Variants in JAKMIP1 observed in about 807,000 individuals in gnomAD.
The protein encoded by JAKMIP1 is janus kinase and microtubule-interacting protein 1.
JAKMIP1 carries 33 observed loss-of-function variants against 113.0 expected under a neutral mutation model. The observed-to-expected ratio is 0.29, with a 90% confidence interval of 0.22 to 0.39. JAKMIP1 has a LOEUF of 0.39. Among genes scored for constraint, JAKMIP1 ranks in the 10% least tolerant of loss-of-function variants. The pLI, the probability that JAKMIP1 is intolerant of heterozygous loss-of-function variation, is 1.00. For missense variants in JAKMIP1, 813 were observed against 1,080.5 expected, an observed-to-expected ratio of 0.75 and a Z score of 3.47; for synonymous variants, 480 against 459.9, an observed-to-expected ratio of 1.04 and a Z score of -0.56.
chr4:6,066,594 C>T (rs191393157), intron 8 of JAKMIP1, among the ~76,000 whole-genome samples: 140 of 152,274 alleles, frequency 9.2e-4, no homozygotes, highest in African/African-American at 2.2e-3. Context: ...CTGAGTCCAG[C>T]AGCAGCAGCT....
chr4:6,190,013 C>A (rs74543882), intron 1 of JAKMIP1, among the ~76,000 whole-genome samples: 1 of 152,174 alleles, frequency 6.6e-6, no homozygotes, highest in African/African-American at 2.4e-5. Context: ...CATTCCCCTG[C>A]CCCTGGGCCT....
intron 3 of JAKMIP1, among the ~76,000 whole-genome samples, chr4:6,100,089 AT>A (rs1712750915): frequency 6.6e-6 from 1 of 152,092 alleles, no homozygotes; most frequent in African/African-American, 2.4e-5. Flanking sequence ...TAAATTTCCA[AT>A]TTTTCTTGTT....
At chr4:6,036,853 C>A (rs1713513297) in intron 18 of JAKMIP1, among the ~76,000 whole-genome samples, 1 of 152,260 alleles carries the variant, frequency 6.6e-6, no homozygotes, top group African/African-American at 2.4e-5. Flanking sequence ...AAAGAAACTA[C>A]AGGTGGTATA....
Position 6,080,984 on chromosome 4 carries a change from T to TACACACACACACACACACACACAC in JAKMIP1, c.1101+601_1101+624dup, listed in dbSNP as rs71173403. Among the ~76,000 whole-genome samples the TACACACACACACACACACACACAC allele has an allele frequency of 0.01, 1,419 of 141,014 alleles. 39 individuals carry two copies. The highest frequency in any genetic ancestry group is 0.031 in the African/African-American group (1,125 of 36,090). The allele number at this position is 141,014 out of a possible 152,430, so 92.5% of individuals were successfully genotyped here. A position where few individuals can be genotyped will look rare whatever the true frequency, so the allele number is the denominator to read the frequency against. ...GGAGAGGACTTCACACAACAGCAAT[T>TACACACACACACACACACACACAC]ACACACACACACACACACACACACA... On this transcript the variant is annotated intron_variant, in intron 6 of 20. Coordinates refer to ENST00000409021, the MANE Select transcript of JAKMIP1 (RefSeq NM_001099433.2). The surrounding 1 kb of genome is among the most constrained non-coding windows in gnomAD (Gnocchi z 6.0).
rs1318685009 is a variant in JAKMIP1, at chr4:6,192,352, G to T, written c.-148+7901C>A. Among the ~76,000 whole-genome samples, 1 of 152,174 alleles carries T rather than the reference G, an allele frequency of 6.6e-6. No homozygotes were observed. The highest frequency in any genetic ancestry group is 2.4e-5 in the African/African-American group (1 of 41,448). On this transcript the variant is annotated intron_variant, in intron 1 of 20. Coordinates refer to ENST00000409021, the MANE Select transcript of JAKMIP1 (RefSeq NM_001099433.2). This position sits in a 1 kb window ranked among gnomAD's most constrained non-coding sequence, Gnocchi z 5.0. ...CAGCTCAGCTCCAGGAGGTCCCCTG[G>T]TGGCCTCAGGACAAGTGTATGAGTC...
chr4:6,143,604 A>ACAG lies in JAKMIP1; in HGVS notation c.-147-30610_-147-30608dup. On this transcript the variant is annotated intron_variant, in intron 1 of 20. Transcript: ENST00000409021. The surrounding 1 kb of genome is among the most constrained non-coding windows in gnomAD (Gnocchi z 4.9). Reference sequence around the variant, plus strand: ...AGTTAATTTTGGCACCTCCCCTAGAACAGCAGTTCTCTGAGTGAGATCCTT... The same window carrying ACAG: ...AGTTAATTTTGGCACCTCCCCTAGAACAGCAGCAGTTCTCTGAGTGAGATCCTT... 6.6e-6 allele frequency among the ~76,000 whole-genome samples: 1 copy of ACAG among 152,292 alleles called. No individual in the cohort carries two copies. The highest frequency in any genetic ancestry group is 1.5e-5 in the Non-Finnish European group (1 of 68,026).
Position 6,184,761 on chromosome 4 carries a change from C to T in JAKMIP1, c.-148+15492G>A, listed in dbSNP as rs9994638. ...TGATGGTTAATATTGAGTGTCAACT[C>T]GATTGGACAGAAGGATAGAAAGTAT... On this transcript the variant is annotated intron_variant, in intron 1 of 20. Transcript: ENST00000409021. The surrounding 1 kb of genome is among the most constrained non-coding windows in gnomAD (Gnocchi z 4.5). 0.44 allele frequency among the ~76,000 whole-genome samples: 66,324 copies of T among 151,976 alleles called. 14,713 individuals are homozygous for T. The highest frequency in any genetic ancestry group is 0.5 in the African/African-American group (20,692 of 41,426).
intron 1 of JAKMIP1, among the ~76,000 whole-genome samples, chr4:6,131,078 C>T (rs114828721): frequency 2.8e-5 from 4 of 145,170 alleles, no homozygotes; most frequent in African/African-American, 1.0e-4. Flanking sequence ...GGGAGGATCA[C>T]CCGGGCTCAG....
chr4:6,130,178 C>G (rs1718295496), intron 1 of JAKMIP1, among the ~76,000 whole-genome samples: 1 of 152,154 alleles, frequency 6.6e-6, no homozygotes, highest in Non-Finnish European at 1.5e-5. Flanking sequence ...GTGGGGGACT[C>G]TATATAAGAG....
intron 1 of JAKMIP1, among the ~76,000 whole-genome samples, chr4:6,195,190 T>G (rs1158663270): frequency 6.6e-6 from 1 of 152,226 alleles, no homozygotes; most frequent in African/African-American, 2.4e-5. Context: ...ATAAGTCTGA[T>G]GTCAAAGCCT....
Position 6,108,936 on chromosome 4 carries a change from A to G in JAKMIP1, c.130-2969T>C, listed in dbSNP as rs191388985. On this transcript the variant is annotated intron_variant, in intron 2 of 20. Transcript: ENST00000409021. This position sits in a 1 kb window ranked among gnomAD's most constrained non-coding sequence, Gnocchi z 5.6. ...TGCGTACATACGCAGGTCAGTATAC[A>G]CATATATATTCCTTGTTCTGGCAGC... 2.2e-4 allele frequency among the ~76,000 whole-genome samples: 33 copies of G among 152,356 alleles called. No homozygotes were observed. The East Asian group carries it at 6.2e-3, about 28-fold the overall frequency.
At chr4:6,056,328 C>G (rs1716456566) in intron 12 of JAKMIP1, among the ~76,000 whole-genome samples, 1 of 149,968 alleles carries the variant, frequency 6.7e-6, no homozygotes, top group Admixed American at 6.6e-5. Flanking sequence ...CTCCCCATTT[C>G]TGCAGGTGTC....
rs1358563114 is a variant in JAKMIP1, at chr4:6,167,838, C to A, written c.-148+32415G>T. On this transcript the variant is annotated intron_variant, in intron 1 of 20. Transcript: ENST00000409021. The surrounding 1 kb of genome is among the most constrained non-coding windows in gnomAD (Gnocchi z 5.3). ...TTGAAAATTAAAAGACATCTGAGTG[C>A]ACTGAATGCTTCGGTTTAGAGCATG... 6.6e-6 allele frequency among the ~76,000 whole-genome samples: 1 copy of A among 152,228 alleles called. No individual in the cohort carries two copies. The highest frequency in any genetic ancestry group is 2.4e-5 in the African/African-American group (1 of 41,454).
rs775647074 is a variant in JAKMIP1, at chr4:6,108,496, C to T, written c.130-2529G>A. ...GAAATTATCTGAACCACCAGCACCA[C>T]CCTCACTTGCCACTCCCACTCAGAG... On this transcript the variant is annotated intron_variant, in intron 2 of 20. Transcript: ENST00000409021. The surrounding 1 kb of genome is among the most constrained non-coding windows in gnomAD (Gnocchi z 5.6). Among the ~76,000 whole-genome samples the T allele has an allele frequency of 6.6e-6, 1 of 152,156 alleles. No homozygotes were observed. The highest frequency in any genetic ancestry group is 1.5e-5 in the Non-Finnish European group (1 of 68,032).
intron 1 of JAKMIP1, among the ~76,000 whole-genome samples, chr4:6,182,816 G>A (rs919154955): frequency 5.3e-5 from 8 of 152,178 alleles, no homozygotes; most frequent in South Asian, 2.1e-4. Context: ...ACATATCACC[G>A]TTTCTAGATA....
At chr4:6,054,272 G>C (rs1716046031) in intron 12 of JAKMIP1, 124 bp from the exon 13 acceptor site, 3 of 886,672 alleles carry the variant, frequency 3.4e-6, no homozygotes. Context: ...AGGGGCAGGA[G>C]AGGGCAGGGT....
At chr4:6,075,183 A>C (rs574802284) in intron 8 of JAKMIP1, among the ~76,000 whole-genome samples, 1 of 111,344 alleles carries the variant, frequency 9.0e-6, no homozygotes, top group East Asian at 2.2e-4. Flanking sequence ...CAAAAAGAAA[A>C]GGAAAAAAAG....
rs200561524 is a variant in JAKMIP1 at position 6,105,678 on chromosome 4, G to A, written c.419C>T (p.Ala140Val). Residue 140 changes from alanine to valine, a missense_variant, in exon 3 of 21, where the codon GCG becomes GTG. Around this residue, in one of 2 missense-constraint regions of JAKMIP1, gnomAD observed 540 missense variants for 653.9 expected, o/e 0.83. Transcript: ENST00000409021. ...GCGCTCTCCATCGAAGGCCCTGCGC[G>A]CCTCCTCGCGCGCCTCGGTCAGCAG... Reference protein sequence around the residue: ...TALLTEAREEARRAFDGERLR... With the variant: ...TALLTEAREEVRRAFDGERLR... 10 of 1,602,458 alleles carry A rather than the reference G, an allele frequency of 6.2e-6. No homozygotes were observed. The highest frequency in any genetic ancestry group is 1.7e-5 in the Admixed American group (1 of 59,054).
Position 6,139,190 on chromosome 4 carries a change from T to C in JAKMIP1, c.-147-26193A>G, listed in dbSNP as rs561410269. ...TGAATTTTAACCTGCTTTGGGAGGGTTCCCATGGGCTCCAGAAACTTTCAC... is the reference window on the plus strand; with the variant it reads ...TGAATTTTAACCTGCTTTGGGAGGGCTCCCATGGGCTCCAGAAACTTTCAC... On this transcript the variant is annotated intron_variant, in intron 1 of 20. Transcript: ENST00000409021. The surrounding 1 kb of genome is among the most constrained non-coding windows in gnomAD (Gnocchi z 5.2). Among the ~76,000 whole-genome samples the C allele has an allele frequency of 1.3e-4, 18 of 138,390 alleles. No individual in the cohort carries two copies. The South Asian group carries it at 4.3e-3, about 33-fold the overall frequency. The allele number at this position is 138,390 out of a possible 152,430, so 90.8% of individuals were successfully genotyped here.
Sources: gnomAD v4.1 joint callset for allele counts (sites outside exome capture counted in the v4.1 genomes callset) on GRCh38, gnomAD v4.1.1 for gene constraint, gnomAD v4.1.1 regional missense constraint, Gnocchi (gnomAD v3.1) non-coding constraint, MANE v1.5 for transcripts, NCBI Gene and HGNC (gene_info 2026-07-23, HGNC 2026-07-21) for gene names.